The following PRMT8 variants were observed in gnomAD, a reference collection of about 807,000 sequenced individuals.
PRMT8 encodes the protein protein arginine N-methyltransferase 8.
In PRMT8, 7 loss-of-function variants were observed where a neutral mutation model predicts 47.1. That is an observed-to-expected ratio of 0.15 (90% CI 0.08 to 0.28). The LOEUF (loss-of-function observed/expected upper bound fraction) is 0.28. Among genes scored for constraint, PRMT8 ranks in the 10% least tolerant of loss-of-function variants. The pLI, the probability that PRMT8 is intolerant of heterozygous loss-of-function variation, is 1.00. For missense variants in PRMT8, 237 were observed against 505.4 expected (o/e 0.47, Z 5.09); for synonymous variants, 188 against 186.5 (o/e 1.01, Z -0.07).
At chr12:3,419,983 GA>G (rs1331616914) in intron 1 of PRMT8, among the ~76,000 whole-genome samples, 2 of 132,770 alleles carry the variant, frequency 1.5e-5, no homozygotes, top group Admixed American at 7.5e-5. Context: ...GAGAGGGGGA[GA>G]GGGGGAGAGG....
chr12:3,432,214 C>T (rs1427519638), intron 1 of PRMT8, among the ~76,000 whole-genome samples: 20 of 152,176 alleles, frequency 1.3e-4, no homozygotes. Context: ...TCTGACAGGG[C>T]TGCCCACAGC....
At chr12:3,433,106 A>G (rs1864700760) in intron 1 of PRMT8, among the ~76,000 whole-genome samples, 1 of 152,144 alleles carries the variant, frequency 6.6e-6, no homozygotes, top group African/African-American at 2.4e-5. Flanking sequence ...ATCCTCTCCA[A>G]TGCTTGGTGG....
chr12:3,479,528 A>G (rs1240706320), intron 1 of PRMT8, among the ~76,000 whole-genome samples: 1 of 152,188 alleles, frequency 6.6e-6, no homozygotes, highest in Non-Finnish European at 1.5e-5. Flanking sequence ...AGAGGATGGA[A>G]TTTGAACCAG....
intron 1 of PRMT8, among the ~76,000 whole-genome samples, chr12:3,422,522 A>G (rs901217018): frequency 1.3e-5 from 2 of 152,058 alleles, no homozygotes; most frequent in African/African-American, 4.8e-5. Context: ...AGGGCTTACA[A>G]CTCTAAGGGG....
chr12:3,461,519 A>T (rs1865040924), intron 1 of PRMT8, among the ~76,000 whole-genome samples: 1 of 152,212 alleles, frequency 6.6e-6, no homozygotes, highest in African/African-American at 2.4e-5. Context: ...CCTCAGCTCA[A>T]ATAACTGCCA....
In PRMT8 at chr12:3,576,822, G is replaced by A. The variant is rs775525329; in HGVS notation, c.713-49G>A. The A allele has an allele frequency of 2.0e-6, 3 of 1,492,850 alleles. No individual in the cohort carries two copies. The highest frequency in any genetic ancestry group is 2.8e-5 in the African/African-American group (2 of 72,524). The allele number at this position is 1,492,850 out of a possible 1,614,324, so 92.5% of individuals were successfully genotyped here. A position where few individuals can be genotyped will look rare whatever the true frequency, so the allele number is the denominator to read the frequency against. Reference sequence around the variant, plus strand: ...TCTAGGACTCAGGAGGGTTGGGTGAGCTTCTGGGGGTCCTGCGCCTGCCTT... The same window carrying A: ...TCTAGGACTCAGGAGGGTTGGGTGAACTTCTGGGGGTCCTGCGCCTGCCTT... On this transcript the variant is annotated intron_variant, in intron 6 of 9. Transcript: ENST00000382622. The surrounding 1 kb of genome is among the most constrained non-coding windows in gnomAD (Gnocchi z 4.0).
chr12:3,392,462 T>C (rs1864202591), intron 1 of PRMT8, among the ~76,000 whole-genome samples: 1 of 149,500 alleles, frequency 6.7e-6, no homozygotes, highest in African/African-American at 2.5e-5. Flanking sequence ...ATATGCGGTG[T>C]TTGGTTTTTT....
rs185350026 is a variant in PRMT8, at chr12:3,550,369, G to A, written c.417+278G>A. ...TGTCATCATGACCTTTCAGTGCTTA[G>A]CCCCAAGGTCAGCTTCAGAGGCAGT... On this transcript the variant is annotated intron_variant, in intron 3 of 9. Coordinates refer to ENST00000382622, the MANE Select transcript of PRMT8 (RefSeq NM_019854.5). The surrounding 1 kb of genome is among the most constrained non-coding windows in gnomAD (Gnocchi z 5.1). 2 of 372,660 alleles carry A rather than the reference G, an allele frequency of 5.4e-6. No homozygotes were observed. Among genetic ancestry groups the A allele is most frequent in the African/African-American group, 4.0e-5 (2 of 50,344 alleles). 23.1% of individuals were successfully genotyped at this position (372,660 alleles called of 1,614,324 possible).
chr12:3,559,194 T>C (rs1216206625), intron 4 of PRMT8, among the ~76,000 whole-genome samples: 1 of 152,218 alleles, frequency 6.6e-6, no homozygotes, highest in Non-Finnish European at 1.5e-5. Flanking sequence ...ATTTGGTCAC[T>C]GATGCCATTC....
chr12:3,408,083 C>T (rs1011498596), intron 1 of PRMT8, among the ~76,000 whole-genome samples: 1 of 151,894 alleles, frequency 6.6e-6, no homozygotes, highest in African/African-American at 2.4e-5. Context: ...AATCTCATAT[C>T]TTGCTGAGTT....
chr12:3,427,189 T>C (rs1490019753), intron 1 of PRMT8, among the ~76,000 whole-genome samples: 2 of 152,230 alleles, frequency 1.3e-5, no homozygotes, highest in Non-Finnish European at 2.9e-5. Context: ...ATAAGCTGAA[T>C]TTCACTTTTA....
chr12:3,582,851 G>A (rs1191371107), intron 7 of PRMT8, among the ~76,000 whole-genome samples: 2 of 152,080 alleles, frequency 1.3e-5, no homozygotes, highest in African/African-American at 4.8e-5. Context: ...AAATCCATTT[G>A]CACCATTGCT....
In PRMT8 at chr12:3,540,629, C is replaced by T; in HGVS notation, c.99C>T (p.Pro33=). Residue 33 remains proline, a synonymous_variant, in exon 2 of 10, where the codon CCC becomes CCT. Transcript: ENST00000382622. ...AGGTGAACAGCCCCCCCTCCCAGCC[C>T]CCCCAGCCCGTCGTCCCTGCTAAGC... ...STEVNSPPSQ[P]PQPVVPAKPV... 1 of 1,535,096 alleles carries T rather than the reference C, an allele frequency of 6.5e-7. No homozygotes were observed. The highest frequency in any genetic ancestry group is 9.0e-7 in the Non-Finnish European group (1 of 1,110,198).
intron 4 of PRMT8, among the ~76,000 whole-genome samples, chr12:3,559,745 C>A (rs866950263): frequency 8.5e-5 from 13 of 152,238 alleles, no homozygotes; most frequent in South Asian, 8.3e-4. Context: ...ATGCTGGGAT[C>A]TGACACCCTT....
At chr12:3,507,540 G>A (rs1265935378) in intron 1 of PRMT8, among the ~76,000 whole-genome samples, 1 of 152,044 alleles carries the variant, frequency 6.6e-6, no homozygotes, top group East Asian at 1.9e-4. Flanking sequence ...AATTCTCTGG[G>A]GAGGCTCAGT....
At chr12:3,584,918 C>T (rs1014855397) in intron 8 of PRMT8, among the ~76,000 whole-genome samples, 12 of 152,200 alleles carry the variant, frequency 7.9e-5, no homozygotes, top group Middle Eastern at 3.2e-3. Context: ...ACACTGCCCT[C>T]AGCTACCTTT....
intron 1 of PRMT8, among the ~76,000 whole-genome samples, chr12:3,403,746 G>A (rs1233401719): frequency 6.6e-6 from 1 of 151,628 alleles, no homozygotes; most frequent in Non-Finnish European, 1.5e-5. Context: ...AGGCGTAGTG[G>A]CACGTCTGTA....
chr12:3,515,940 T>A (rs562513555), intron 1 of PRMT8, among the ~76,000 whole-genome samples: 19 of 152,238 alleles, frequency 1.2e-4, no homozygotes, highest in Non-Finnish European at 2.2e-4. Context: ...TTGCTGCTCT[T>A]CTCCCTGATG....
At chr12:3,432,267 C>T (rs11062645) in intron 1 of PRMT8, among the ~76,000 whole-genome samples, 10,818 of 152,220 alleles carry the variant, frequency 0.071, 437 homozygotes, top group African/African-American at 0.12. Flanking sequence ...TTTGGTTTCA[C>T]TTTCCATTTT....
Sources: gnomAD v4.1 joint callset for allele counts (sites outside exome capture counted in the v4.1 genomes callset) on GRCh38, gnomAD v4.1.1 for gene constraint, Gnocchi (gnomAD v3.1) non-coding constraint, MANE v1.5 for transcripts, NCBI Gene and HGNC (gene_info 2026-07-23, HGNC 2026-07-21) for gene names.